Variants in DNAH3 observed in about 807,000 individuals in gnomAD.
DNAH3 encodes the protein dynein axonemal heavy chain 3, also known as axonemal beta dynein heavy chain 3.
DNAH3 carries 332 observed loss-of-function variants against 432.5 expected under a neutral mutation model. That is an observed-to-expected ratio of 0.77 (90% CI 0.70 to 0.84). DNAH3 has a LOEUF of 0.84. Among genes scored for constraint, DNAH3 ranks in the 40% least tolerant of loss-of-function variants. DNAH3 has a pLI of 0.00. For missense variants in DNAH3, 4,861 were observed against 5,114.0 expected, an observed-to-expected ratio of 0.95 and a Z score of 1.51; for synonymous variants, 1,956 against 1,900.2, an observed-to-expected ratio of 1.03 and a Z score of -0.76.
intron 24 of DNAH3, chr16:21,062,943 C>A (rs777968193): frequency 7.0e-5 from 29 of 412,728 alleles, no homozygotes; most frequent in Non-Finnish European, 1.1e-4. Flanking sequence ...TCTCCTCAGC[C>A]TCCTGAGTAG....
At chr16:21,142,070 A>G (rs1446772899) in intron 3 of DNAH3, among the ~76,000 whole-genome samples, 1 of 151,736 alleles carries the variant, frequency 6.6e-6, no homozygotes, top group Non-Finnish European at 1.5e-5. Flanking sequence ...AATAAATAAA[A>G]TAAAAAATAA....
exon 53 of DNAH3, chr16:20,965,303 C>T (rs1343698485): frequency 1.2e-6 from 2 of 1,612,936 alleles, no homozygotes; most frequent in East Asian, 2.2e-5. Flanking sequence ...ATAAACCTTT[C>T]CCGGATCCGC....
At chr16:21,097,008 G>C (rs895634218) in intron 18 of DNAH3, among the ~76,000 whole-genome samples, 4 of 152,038 alleles carry the variant, frequency 2.6e-5, no homozygotes, top group Non-Finnish European at 5.9e-5. Flanking sequence ...CCAGATCCTA[G>C]AGTAAAAGGT....
chr16:21,043,446 G>GT (rs2089542847), intron 31 of DNAH3, among the ~76,000 whole-genome samples: 1 of 105,816 alleles, frequency 9.5e-6, no homozygotes, highest in Non-Finnish European at 1.9e-5. Context: ...TTTTTCATGT[G>GT]TTTTTTGGCT....
intron 44 of DNAH3, among the ~76,000 whole-genome samples, chr16:20,988,954 C>G (rs1012129440): frequency 3.3e-5 from 5 of 152,120 alleles, no homozygotes; most frequent in African/African-American, 1.2e-4. Flanking sequence ...CCGGTGGACT[C>G]GTGGTCTCGC....
chr16:21,141,528 T>C (rs1258856818), intron 3 of DNAH3, among the ~76,000 whole-genome samples, 156 bp from the exon 5 acceptor site: 2 of 152,212 alleles, frequency 1.3e-5, no homozygotes, highest in South Asian at 2.1e-4. Flanking sequence ...TCAGGTCTCA[T>C]GTGCATCACT....
intron 56 of DNAH3, among the ~76,000 whole-genome samples, chr16:20,951,353 C>T (rs1428242420): frequency 3.3e-5 from 5 of 151,870 alleles, no homozygotes; most frequent in Admixed American, 1.3e-4. Context: ...AAGTTTGCCA[C>T]GATCATCTCC....
At chr16:21,082,945 T>G (rs2091243661) in intron 19 of DNAH3, among the ~76,000 whole-genome samples, 1 of 149,982 alleles carries the variant, frequency 6.7e-6, no homozygotes, top group African/African-American at 2.4e-5. Context: ...CCTTGTTCCA[T>G]CTTGCTTTTT....
intron 58 of DNAH3, among the ~76,000 whole-genome samples, chr16:20,943,876 C>G (rs998094705): frequency 1.3e-5 from 2 of 151,832 alleles, no homozygotes; most frequent in Admixed American, 6.6e-5. Flanking sequence ...CCCAGCTACT[C>G]GGGAGGCTGA....
chr16:20,939,567 G>A (rs1273171015), intron 59 of DNAH3, among the ~76,000 whole-genome samples: 9 of 150,492 alleles, frequency 6.0e-5, no homozygotes, highest in South Asian at 4.2e-4. Context: ...AGCCGAGATC[G>A]CGCCACTGCA....
intron 28 of DNAH3, among the ~76,000 whole-genome samples, chr16:21,054,206 T>TG (rs1299588868): frequency 1.3e-5 from 2 of 152,174 alleles, no homozygotes; most frequent in Admixed American, 1.3e-4. Context: ...AAGCCCTGCT[T>TG]GGAGGGTCCC....
rs2084701307 is a variant in DNAH3, at chr16:20,959,191, T to C, written c.10814A>G (p.Asn3605Ser). 3.1e-6 allele frequency: 5 copies of C among 1,614,142 alleles called. No individual in the cohort carries two copies. In the South Asian group the frequency reaches 3.3e-5, roughly 11 times the overall value. ...GACAGCATCTCACCTGAATCTGGCA[T>C]TGGTGCTCTCAGGAACAATCACCTC... Residue 3605 changes from asparagine (N) to serine (S), a missense_variant, in exon 54 of 62, where the codon AAT becomes AGT. Physicochemically the swap from Asn to Ser is conservative, Grantham distance 46 (BLOSUM62 1). Transcript: ENST00000261383.
chr16:21,022,729 T>C (rs1012643126), intron 39 of DNAH3, among the ~76,000 whole-genome samples: 1 of 151,926 alleles, frequency 6.6e-6, no homozygotes, highest in African/African-American at 2.4e-5. Context: ...TAAAAAAGAT[T>C]TATTTATTTA....
intron 28 of DNAH3, among the ~76,000 whole-genome samples, chr16:21,052,928 G>T (rs1203729089): frequency 6.6e-6 from 1 of 152,196 alleles, no homozygotes; most frequent in Non-Finnish European, 1.5e-5. Context: ...TGAGAAACCA[G>T]CTGGGAGATA....
intron 18 of DNAH3, among the ~76,000 whole-genome samples, chr16:21,087,704 C>T (rs1300682949): frequency 6.6e-6 from 1 of 152,116 alleles, no homozygotes. Flanking sequence ...TCAAGACCAG[C>T]TTGTGCAACA....
intron 41 of DNAH3, among the ~76,000 whole-genome samples, chr16:21,010,885 C>A (rs373238361): frequency 2.2e-5 from 3 of 136,938 alleles, no homozygotes; most frequent in African/African-American, 8.2e-5. Flanking sequence ...CCGGCCAAAA[C>A]CTGTTTTTTT....
chr16:21,060,342 C>T, exon 26 of DNAH3: 2 of 1,613,810 alleles, frequency 1.2e-6, no homozygotes, highest in Non-Finnish European at 1.7e-6. Flanking sequence ...GCTGGAGCCA[C>T]TTTTCCACCA....
Position 21,027,026 on chromosome 16 carries a change from C to T in DNAH3, c.5540+1G>A, listed in dbSNP as rs755067593. On this transcript the variant is annotated splice_donor_variant, in intron 38 of 61. Transcript: ENST00000261383. LOFTEE classifies it high-confidence loss of function. ...CGGGGTGCCAGTGAGGGCTGCCTCA[C>T]CTGCTCACAGTGGCTGGAGAGGCTT... 1.9e-6 allele frequency: 3 copies of T among 1,613,376 alleles called. 1 individual carries two copies. Among genetic ancestry groups the T allele is most frequent in the Non-Finnish European group, 1.7e-6 (2 of 1,179,504 alleles).
rs555983378 is a variant in DNAH3, at chr16:20,966,014, ATTTTTTTTTTT to A, written c.8459-600_8459-590del. On this transcript the variant is annotated intron_variant, in intron 52 of 61. Coordinates refer to ENST00000261383, the Ensembl canonical transcript of DNAH3. Reference sequence around the variant, plus strand: ...AGGCCTGAGCCACCATGCCCAGCCAATTTTTTTTTTTTTTTTTTTTTTTTTTTTTTTTTTTT... The same window carrying A: ...AGGCCTGAGCCACCATGCCCAGCCAATTTTTTTTTTTTTTTTTTTTTTTTT... 3.1e-4 allele frequency among the ~76,000 whole-genome samples: 15 copies of A among 48,386 alleles called. 1 individual carries two copies. The highest frequency in any genetic ancestry group is 7.4e-4 in the African/African-American group (9 of 12,156). The allele number at this position is 48,386 out of a possible 152,430, so 31.7% of individuals were successfully genotyped here.
Sources: gnomAD v4.1 joint callset for allele counts (sites outside exome capture counted in the v4.1 genomes callset) on GRCh38, gnomAD v4.1.1 for gene constraint, MANE v1.5 for transcripts, NCBI Gene and HGNC (gene_info 2026-07-23, HGNC 2026-07-21) for gene names.